The following ZNF138 variants were observed in gnomAD, a reference collection of about 807,000 sequenced individuals.
ZNF138 encodes the protein zinc finger protein 138.
ZNF138 carries 33 observed loss-of-function variants against 33.0 expected under a neutral mutation model. The ratio of observed to expected loss-of-function variants is 1.00; its 90% CI spans 0.76 to 1.34. The LOEUF (loss-of-function observed/expected upper bound fraction) is 1.34. Among genes scored for constraint, ZNF138 ranks in the 40% most tolerant of loss-of-function variants. The pLI, the probability that ZNF138 is intolerant of heterozygous loss-of-function variation, is 0.00. For missense variants in ZNF138, 360 were observed against 370.8 expected (o/e 0.97, Z 0.24); for synonymous variants, 139 against 120.4 (o/e 1.15, Z -1.01).
chr7:64,806,312 A>G (rs1048872557), intron 1 of ZNF138, among the ~76,000 whole-genome samples: 1 of 152,192 alleles, frequency 6.6e-6, no homozygotes, highest in Non-Finnish European at 1.5e-5. Context: ...CCTGATTTCT[A>G]AATACTTCAT....
At chr7:64,854,036 G>GA in the ZNF138 span, among the ~76,000 whole-genome samples, 1 of 150,224 alleles carries the variant, frequency 6.7e-6, no homozygotes, top group African/African-American at 2.5e-5. Context: ...TCTTTAACCA[G>GA]AAAAAAAAAA....
intron 1 of ZNF138, among the ~76,000 whole-genome samples, chr7:64,798,448 G>C (rs1786869945): frequency 6.6e-6 from 1 of 152,158 alleles, no homozygotes; most frequent in Non-Finnish European, 1.5e-5. Context: ...ATACAAAAAA[G>C]AAAATCTTAT....
chr7:64,819,212 T>G (rs1788915635), intron 3 of ZNF138, among the ~76,000 whole-genome samples: 2 of 152,238 alleles, frequency 1.3e-5, no homozygotes, highest in South Asian at 4.1e-4. Context: ...TGGCTTATCT[T>G]GTTTATATTC....
the ZNF138 span, among the ~76,000 whole-genome samples, chr7:64,848,270 A>G: frequency 6.6e-6 from 1 of 152,154 alleles, no homozygotes; most frequent in Non-Finnish European, 1.5e-5. Flanking sequence ...CTTTCTCGTC[A>G]GAAACACCAA....
the ZNF138 span, among the ~76,000 whole-genome samples, chr7:64,843,097 C>T: frequency 2.0e-5 from 3 of 152,162 alleles, no homozygotes; most frequent in South Asian, 2.1e-4. Flanking sequence ...TGGCTCATTT[C>T]GACAAATATA....
At chr7:64,800,893 CT>C (rs1787089485) in intron 1 of ZNF138, among the ~76,000 whole-genome samples, 1 of 151,920 alleles carries the variant, frequency 6.6e-6, no homozygotes, top group Non-Finnish European at 1.5e-5. Context: ...GATTCAATTT[CT>C]TTTTTGTTCA....
chr7:64,813,581 C>T (rs1195582056), intron 1 of ZNF138, among the ~76,000 whole-genome samples: 1 of 152,020 alleles, frequency 6.6e-6, no homozygotes, highest in Non-Finnish European at 1.5e-5. Flanking sequence ...CTACAGGTGC[C>T]CGCCACCACG....
chr7:64,832,438 C>CT lies in ZNF138; in HGVS notation c.*240dup, dbSNP rs1167539661. The stretch of plus-strand genomic sequence containing the variant: ...TACAAATGTAAAGAATGTGGAAAAG[C>CT]TTTTCACCGATACTCAATCCTTAGT... On this transcript the variant is annotated 3_prime_UTR_variant, in exon 4 of 4. Transcript: ENST00000307355. The CT allele has an allele frequency of 1.2e-5, 17 of 1,449,794 alleles. 1 individual carries two copies. In the East Asian group the frequency reaches 4.1e-4, roughly 35 times the overall value. The allele number at this position is 1,449,794 out of a possible 1,614,324, so 89.8% of individuals were successfully genotyped here.
chr7:64,833,969 A>T (rs1790289765), downstream of ZNF138, among the ~76,000 whole-genome samples: 1 of 152,116 alleles, frequency 6.6e-6, no homozygotes, highest in African/African-American at 2.4e-5. Context: ...GAAATGATCC[A>T]TACACCTCTG....
the ZNF138 span, among the ~76,000 whole-genome samples, chr7:64,839,180 G>A: frequency 3.9e-5 from 6 of 152,296 alleles, no homozygotes; most frequent in South Asian, 2.1e-4. Context: ...GTGTGCCTTC[G>A]GGGGGCCAGC....
At chr7:64,851,579 T>C in the ZNF138 span, among the ~76,000 whole-genome samples, 2 of 152,230 alleles carry the variant, frequency 1.3e-5, no homozygotes, top group Non-Finnish European at 2.9e-5. Context: ...TTATTGATTA[T>C]ATTTAAAAAT....
At chr7:64,822,879 TTTA>T (rs1419894879) in intron 3 of ZNF138, among the ~76,000 whole-genome samples, 3 of 151,508 alleles carry the variant, frequency 2.0e-5, no homozygotes, top group East Asian at 3.9e-4. Flanking sequence ...AATTAATTTT[TTTA>T]TTTTTTTTTT....
chr7:64,835,529 A>AG (rs796798064), downstream of ZNF138: 30 of 151,904 alleles, frequency 2.0e-4, no homozygotes, highest in African/African-American at 6.8e-4. Context: ...CAGGGTGGAG[A>AG]GGGTCCTAGG....
At chr7:64,821,035 G>GTTTTTTTTTTTTTTTTTTTTTTTTTTTTT in intron 3 of ZNF138, among the ~76,000 whole-genome samples, 1 of 145,956 alleles carries the variant, frequency 6.9e-6, no homozygotes, top group Admixed American at 6.8e-5. Context: ...TGAGGTGATT[G>GTTTTTTTTTTTTTTTTTTTTTTTTTTTTT]TTTTTTTTTG....
At chr7:64,846,257 T>G in the ZNF138 span, among the ~76,000 whole-genome samples, 1 of 152,216 alleles carries the variant, frequency 6.6e-6, no homozygotes, top group African/African-American at 2.4e-5. Context: ...TCTTTTTTGG[T>G]TCCATATGAA....
At chr7:64,851,177 T>A in the ZNF138 span, among the ~76,000 whole-genome samples, 1,931 of 152,258 alleles carry the variant, frequency 0.013, 35 homozygotes, top group African/African-American at 0.044. Flanking sequence ...TGCTGTGCAA[T>A]AGAACTCAAA....
chr7:64,849,953 C>T, the ZNF138 span, among the ~76,000 whole-genome samples: 18 of 152,254 alleles, frequency 1.2e-4, no homozygotes, highest in Non-Finnish European at 1.9e-4. Flanking sequence ...ACACCCTTTC[C>T]GAATTTCTGG....
At position 64,794,469 on chromosome 7, in the gene ZNF138, C is replaced by T. The variant is rs1485456464; in HGVS notation, c.-100C>T. 43 of 1,573,582 alleles carry T rather than the reference C, an allele frequency of 2.7e-5. No individual in the cohort carries two copies. The highest frequency in any genetic ancestry group is 3.6e-5 in the Non-Finnish European group (41 of 1,148,234). On this transcript the variant is annotated 5_prime_UTR_variant, in exon 1 of 4. Coordinates refer to ENST00000307355, the MANE Select transcript of ZNF138 (RefSeq NM_001271639.2). ...TGCTGCAGGTCTGGCCTTCACTTTT[C>T]TGCGTCCTCTTACTCCTAGAGGCCC...
chr7:64,800,564 G>C (rs147370188), intron 1 of ZNF138, among the ~76,000 whole-genome samples: 1 of 152,052 alleles, frequency 6.6e-6, no homozygotes. Flanking sequence ...TAACTTTTTG[G>C]TGTGCTGCTG....
Sources: gnomAD v4.1 joint callset for allele counts (sites outside exome capture counted in the v4.1 genomes callset) on GRCh38, gnomAD v4.1.1 for gene constraint, MANE v1.5 for transcripts, NCBI Gene and HGNC (gene_info 2026-07-23, HGNC 2026-07-21) for gene names.